PRKD1: variants seen among roughly 807,000 people sequenced by gnomAD.
The protein encoded by PRKD1 is protein kinase D1.
PRKD1 carries 63 observed loss-of-function variants against 95.9 expected under a neutral mutation model. The ratio of observed to expected loss-of-function variants is 0.66; its 90% CI spans 0.54 to 0.81. PRKD1 has a LOEUF of 0.81. Ranked by LOEUF, PRKD1 falls within the 30% of genes least tolerant of loss-of-function variation. PRKD1 has a pLI of 0.00. For synonymous variants in PRKD1, 425 were observed against 423.1 expected, an observed-to-expected ratio of 1.00 and a Z score of -0.05; for missense variants, 1,048 against 1,165.3, an observed-to-expected ratio of 0.90 and a Z score of 1.47.
chr14:29,794,721 A>G (rs889059717), intron 1 of PRKD1, among the ~76,000 whole-genome samples: 4 of 151,258 alleles, frequency 2.6e-5, no homozygotes, highest in East Asian at 3.9e-4. Context: ...CTCCCTATGT[A>G]TATGTATCAG....
intron 4 of PRKD1, among the ~76,000 whole-genome samples, chr14:29,658,338 A>G (rs905071825): frequency 1.3e-5 from 2 of 152,210 alleles, no homozygotes; most frequent in African/African-American, 4.8e-5. Flanking sequence ...GTTTTATGAG[A>G]AAAGGGTTCC....
intron 1 of PRKD1, among the ~76,000 whole-genome samples, chr14:29,731,069 C>T (rs1014007726): frequency 6.6e-6 from 1 of 152,016 alleles, no homozygotes; most frequent in Non-Finnish European, 1.5e-5. Flanking sequence ...TTGATGTAGC[C>T]ATTCCACAAT....
At chr14:29,927,154 C>G in intron 1 of PRKD1, 95 bp downstream of exon 1, 1 of 1,267,482 alleles carries the variant, frequency 7.9e-7, no homozygotes, top group Non-Finnish European at 1.0e-6. Context: ...CCAGCCGAGC[C>G]CCGGGAGCCG....
At chr14:29,732,182 T>A (rs1886473861) in intron 1 of PRKD1, among the ~76,000 whole-genome samples, 1 of 152,174 alleles carries the variant, frequency 6.6e-6, no homozygotes, top group South Asian at 2.1e-4. Flanking sequence ...CAACAATCCT[T>A]ACCTTTTAAG....
At chr14:29,851,073 A>G (rs1892289438) in intron 1 of PRKD1, among the ~76,000 whole-genome samples, 1 of 151,614 alleles carries the variant, frequency 6.6e-6, no homozygotes. Flanking sequence ...TGGACCCTGA[A>G]CTAAAGATTG....
At chr14:29,743,025 C>A (rs1260905914) in intron 1 of PRKD1, among the ~76,000 whole-genome samples, 2 of 152,188 alleles carry the variant, frequency 1.3e-5, no homozygotes, top group Non-Finnish European at 2.9e-5. Flanking sequence ...CTTCATCCTG[C>A]TCCCTTTATA....
chr14:29,731,319 A>G (rs1253975296), intron 1 of PRKD1, among the ~76,000 whole-genome samples: 3 of 152,176 alleles, frequency 2.0e-5, no homozygotes. Flanking sequence ...CTTTGCATAA[A>G]TTTAACACTT....
At chr14:29,772,357 T>C (rs1888548804) in intron 1 of PRKD1, among the ~76,000 whole-genome samples, 1 of 152,148 alleles carries the variant, frequency 6.6e-6, no homozygotes, top group Non-Finnish European at 1.5e-5. Context: ...CAAGTGAGGA[T>C]GCAGCTAGGA....
At chr14:29,921,166 C>T (rs1346876065) in intron 1 of PRKD1, among the ~76,000 whole-genome samples, 1 of 152,044 alleles carries the variant, frequency 6.6e-6, no homozygotes, top group Non-Finnish European at 1.5e-5. Flanking sequence ...TAATAAAAAG[C>T]AATGAAAATA....
rs181578449 is a variant in PRKD1, at chr14:29,718,202, G to C, written c.403+7334C>G. On this transcript the variant is annotated intron_variant, in intron 2 of 17. Coordinates refer to ENST00000331968, the MANE Select transcript of PRKD1 (RefSeq NM_002742.3). ...TTATCTTGAATTGTAATCCCCACGT[G>C]TCGAGGCAGGGAAGTGGTTAAATTA... 5.9e-5 allele frequency among the ~76,000 whole-genome samples: 9 copies of C among 152,246 alleles called. No homozygotes were observed. The East Asian group carries it at 1.7e-3, about 29-fold the overall frequency.
At chr14:29,758,858 C>T (rs1453934599) in intron 1 of PRKD1, among the ~76,000 whole-genome samples, 1 of 152,222 alleles carries the variant, frequency 6.6e-6, no homozygotes, top group Non-Finnish European at 1.5e-5. Context: ...CAGTCTATCA[C>T]ACTTCAAGAA....
intron 1 of PRKD1, among the ~76,000 whole-genome samples, chr14:29,822,548 G>A (rs983795409): frequency 6.6e-6 from 1 of 152,160 alleles, no homozygotes; most frequent in Non-Finnish European, 1.5e-5. Context: ...TCCTGTAAGA[G>A]AGACAGCACT....
At chr14:29,858,599 C>T (rs1443930802) in intron 1 of PRKD1, among the ~76,000 whole-genome samples, 3 of 152,102 alleles carry the variant, frequency 2.0e-5, no homozygotes, top group African/African-American at 7.2e-5. Context: ...TGTCATGATA[C>T]TGGTTACTGT....
intron 1 of PRKD1, among the ~76,000 whole-genome samples, chr14:29,819,045 A>C (rs1324962805): frequency 6.6e-6 from 1 of 152,192 alleles, no homozygotes; most frequent in Non-Finnish European, 1.5e-5. Flanking sequence ...CAATGTCAGA[A>C]AATACAAAGA....
intron 1 of PRKD1, among the ~76,000 whole-genome samples, chr14:29,846,675 G>T (rs1472488620): frequency 6.6e-6 from 1 of 152,170 alleles, no homozygotes; most frequent in African/African-American, 2.4e-5. Flanking sequence ...ACTTTAGAAG[G>T]ATCATTCTGA....
intron 2 of PRKD1, among the ~76,000 whole-genome samples, chr14:29,677,780 G>T (rs1388771216): frequency 6.6e-6 from 1 of 152,152 alleles, no homozygotes; most frequent in East Asian, 1.9e-4. Context: ...GGCCAGGCTT[G>T]TCTCAAACTC....
At chr14:29,775,376 T>C (rs943322180) in intron 1 of PRKD1, among the ~76,000 whole-genome samples, 1 of 151,904 alleles carries the variant, frequency 6.6e-6, no homozygotes, top group Non-Finnish European at 1.5e-5. Context: ...AAGCAAAGGG[T>C]CAGGGAATTC....
intron 13 of PRKD1, among the ~76,000 whole-genome samples, chr14:29,604,099 T>C (rs2139027098): frequency 6.6e-6 from 1 of 152,292 alleles, no homozygotes; most frequent in South Asian, 2.1e-4. Flanking sequence ...AAAAGTAATA[T>C]CTCAAGAAAA....
intron 1 of PRKD1, among the ~76,000 whole-genome samples, chr14:29,860,917 C>A (rs908461916): frequency 6.6e-6 from 1 of 152,180 alleles, no homozygotes; most frequent in Non-Finnish European, 1.5e-5. Context: ...TTTCCCAGAT[C>A]TTTATCTTCC....
Sources: gnomAD v4.1 joint callset for allele counts (sites outside exome capture counted in the v4.1 genomes callset) on GRCh38, gnomAD v4.1.1 for gene constraint, MANE v1.5 for transcripts, NCBI Gene and HGNC (gene_info 2026-07-23, HGNC 2026-07-21) for gene names.